ABCC8: variants seen among roughly 807,000 people sequenced by gnomAD.
The protein encoded by ABCC8 is ATP-binding cassette sub-family C member 8.
A neutral mutation model predicts 188.0 loss-of-function variants in ABCC8; 137 were observed. That is an observed-to-expected ratio of 0.73 (90% CI 0.63 to 0.84). ABCC8 has a LOEUF of 0.84. ABCC8 is among the 40% of genes least tolerant of loss of function. The pLI, the probability that ABCC8 is intolerant of heterozygous loss-of-function variation, is 0.00. For synonymous variants in ABCC8, 797 were observed against 846.5 expected (o/e 0.94, Z 1.01); for missense variants, 1,750 against 2,072.7 (o/e 0.84, Z 3.02).
intron 10 of ABCC8, among the ~76,000 whole-genome samples, chr11:17,433,077 C>A (rs12290390): frequency 1.3e-5 from 2 of 152,178 alleles, no homozygotes; most frequent in Non-Finnish European, 2.9e-5. Context: ...GCCTACACAT[C>A]ATACCTCATG....
At chr11:17,410,756 A>C (rs377359741) in intron 21 of ABCC8, 103 bp from the exon 22 acceptor site, 3 of 1,537,688 alleles carry the variant, frequency 2.0e-6, no homozygotes, top group Middle Eastern at 1.7e-4. Flanking sequence ...ACTCTGCTCT[A>C]GGGACTGAAG....
intron 29 of ABCC8, among the ~76,000 whole-genome samples, chr11:17,400,132 T>C (rs1335181065): frequency 6.6e-6 from 1 of 152,184 alleles, no homozygotes; most frequent in African/African-American, 2.4e-5. Context: ...TGGAAGGTGT[T>C]AGTTCAGCTT....
At chr11:17,464,841 T>TA (rs1848051173) in intron 3 of ABCC8, among the ~76,000 whole-genome samples, 1 of 152,176 alleles carries the variant, frequency 6.6e-6, no homozygotes, top group Non-Finnish European at 1.5e-5. Flanking sequence ...CAGATGCGGA[T>TA]AAGGTCAGCT....
Position 17,413,381 on chromosome 11 carries a change from GGCT to G in ABCC8, c.2475+10_2475+12del. 6.2e-7 allele frequency: 1 copy of G among 1,614,194 alleles called. No individual in the cohort carries two copies. Among genetic ancestry groups the G allele is most frequent in the Non-Finnish European group, 8.5e-7 (1 of 1,180,032 alleles). ...CCTGGCTTTGAAAAAACCCCTCAGAGGCTGCTACTAACCCGTTCCCCAATCTGG... is the reference window on the plus strand; with the variant it reads ...CCTGGCTTTGAAAAAACCCCTCAGAGGCTACTAACCCGTTCCCCAATCTGG... On this transcript the variant is annotated intron_variant, in intron 20 of 38. Coordinates refer to ENST00000389817, the MANE Select transcript of ABCC8 (RefSeq NM_000352.6).
At chr11:17,475,931 G>T (rs1251625093) in intron 1 of ABCC8, among the ~76,000 whole-genome samples, 1 of 152,214 alleles carries the variant, frequency 6.6e-6, no homozygotes, top group Non-Finnish European at 1.5e-5. Flanking sequence ...CGATTGTCCC[G>T]GCCGTGGCGC....
At chr11:17,396,242 C>T (rs910335484) in intron 33 of ABCC8, 1 of 497,428 alleles carries the variant, frequency 2.0e-6, no homozygotes, top group Admixed American at 3.3e-5. Context: ...TCTCTATGGG[C>T]ATGGGTGTGG....
In ABCC8 at chr11:17,416,966, C is replaced by A. The variant is rs1040460617; in HGVS notation, c.2223-4G>T. On this transcript the variant is annotated splice_polypyrimidine_tract_variant and splice_region_variant and intron_variant, in intron 16 of 38. Transcript: ENST00000389817. Reference sequence around the variant, plus strand: ...TCCTATCTCGCTGTCAGGAAGGCTGCTGGGACACAAATGGGACAGACCAAC... The same window carrying A: ...TCCTATCTCGCTGTCAGGAAGGCTGATGGGACACAAATGGGACAGACCAAC... The A allele has an allele frequency of 3.7e-6, 6 of 1,613,960 alleles. No homozygotes were observed. Among genetic ancestry groups the A allele is most frequent in the Non-Finnish European group, 5.1e-6 (6 of 1,180,032 alleles).
intron 16 of ABCC8, among the ~76,000 whole-genome samples, chr11:17,418,920 T>C (rs1186247523): frequency 6.6e-6 from 1 of 152,198 alleles, no homozygotes; most frequent in Non-Finnish European, 1.5e-5. Context: ...CTGGCTCTCA[T>C]TGCTGACCTT....
At chr11:17,452,745 T>C (rs746826017) in intron 7 of ABCC8, among the ~76,000 whole-genome samples, 38 of 152,214 alleles carry the variant, frequency 2.5e-4, no homozygotes, top group Non-Finnish European at 4.7e-4. Flanking sequence ...GAAGACTGTC[T>C]GGTAGCAGAA....
At chr11:17,413,645 T>G (rs990474629) in intron 19 of ABCC8, 167 bp from the exon 20 acceptor site, 36 of 1,398,104 alleles carry the variant, frequency 2.6e-5, no homozygotes, top group Non-Finnish European at 3.3e-5. Context: ...TGAAAAGAGC[T>G]GAGGTCAGCA....
chr11:17,406,581 G>A (rs2133444910), intron 26 of ABCC8, 41 bp downstream of exon 26: 6 of 1,576,630 alleles, frequency 3.8e-6, no homozygotes, highest in Non-Finnish European at 5.2e-6. Flanking sequence ...AGAGAACAGT[G>A]ACTTGCTCAC....
At chr11:17,400,244 T>A (rs1017726216) in intron 29 of ABCC8, among the ~76,000 whole-genome samples, 1 of 151,994 alleles carries the variant, frequency 6.6e-6, no homozygotes, top group African/African-American at 2.4e-5. Context: ...GGTGGAGACG[T>A]GTGGGAGGGT....
At position 17,394,221 on chromosome 11, in the gene ABCC8, A is replaced by G. The variant is rs555698006; in HGVS notation, c.4545+45T>C. On this transcript the variant is annotated intron_variant, in intron 37 of 38. Coordinates refer to ENST00000389817, the MANE Select transcript of ABCC8 (RefSeq NM_000352.6). ...CAAATTTCTCCCTAGCATCCCACTA[A>G]ACCCTTTCCAAGACCATGGTCCCAT... 5.0e-6 allele frequency: 8 copies of G among 1,604,770 alleles called. No homozygotes were observed. The South Asian group carries it at 8.8e-5, about 18-fold the overall frequency.
chr11:17,393,927 A>G, intron 37 of ABCC8, 168 bp from the exon 38 acceptor site: 2 of 877,748 alleles, frequency 2.3e-6, no homozygotes, highest in Non-Finnish European at 2.7e-6. Context: ...CAGGGACTGG[A>G]CTCAGCCTGT....
Position 17,453,189 on chromosome 11 carries a change from T to C in ABCC8, c.1106A>G (p.Gln369Arg), listed in dbSNP as rs756808492. 4 of 1,614,206 alleles carry C rather than the reference T, an allele frequency of 2.5e-6. No individual in the cohort carries two copies. In the East Asian group the frequency reaches 6.7e-5, roughly 27 times the overall value. Residue 369 changes from glutamine (Q) to arginine (R), a missense_variant, in exon 7 of 39, where the codon CAA (glutamine) becomes CGA (arginine). Gln to Arg is a conservative substitution (Grantham distance 43, BLOSUM62 1). Transcript: ENST00000389817. ...GTAGGATGCTTGCAGAAATGTCCTT[T>C]GCAGTAGGAGGGCAAGGAACAGAAG... ...AVLLFLALLL[Q>R]RTFLQASYYV...
In ABCC8 at chr11:17,397,792, G is replaced by A. The variant is rs1005064056; in HGVS notation, c.3759C>T (p.Tyr1253=). 5.0e-6 allele frequency: 8 copies of A among 1,613,604 alleles called. No individual in the cohort carries two copies. Among genetic ancestry groups the A allele is most frequent in the Non-Finnish European group, 6.8e-6 (8 of 1,180,006 alleles). The change falls in exon 31 of 39, where the codon TAC becomes TAT. Residue 1253 remains tyrosine, a synonymous_variant. Transcript: ENST00000389817. ...ANRWLEVRME[Y]IGACVVLIAA... ...CGATGAGCACCACACATGCACCGAT[G>A]TACTCCTGGGGAGGGAGAGGAGCTG...
Position 17,396,938 on chromosome 11 carries a change from G to A in ABCC8, c.4097C>T (p.Ala1366Val), listed in dbSNP as rs746811190. 3.4e-5 allele frequency: 55 copies of A among 1,614,056 alleles called. No homozygotes were observed. The highest frequency in any genetic ancestry group is 4.6e-5 in the Non-Finnish European group (54 of 1,180,026). The change falls in exon 33 of 39, where the codon GCC becomes GTC. Residue 1366 changes from alanine (A) to valine (V), a missense_variant. Physicochemically the swap from Ala to Val is moderately conservative, Grantham distance 64 (BLOSUM62 0). Transcript: ENST00000389817. The part of the protein sequence containing the change: ...SLKPVLKHVN[A>V]LIAPGQKIGI... Reference sequence around the variant, plus strand: ...GACCTTCTGTCCAGGGGCGATGAGGGCATTGACGTGCTTCAGCACCGGCTT... The same window carrying A: ...GACCTTCTGTCCAGGGGCGATGAGGACATTGACGTGCTTCAGCACCGGCTT...
intron 8 of ABCC8, 29 bp downstream of exon 8, chr11:17,448,487 C>G: frequency 1.2e-6 from 2 of 1,603,320 alleles, no homozygotes; most frequent in Non-Finnish European, 8.5e-7. Context: ...CCTGCTGCCC[C>G]CCTCCCTTCC....
chr11:17,399,006 C>G (rs60748921), intron 29 of ABCC8: 13,960 of 164,744 alleles, frequency 0.085, 2,071 homozygotes, highest in African/African-American at 0.31. Context: ...CGGTGACTCA[C>G]CCCTGTAATC....
Sources: gnomAD v4.1 joint callset for allele counts (sites outside exome capture counted in the v4.1 genomes callset) on GRCh38, gnomAD v4.1.1 for gene constraint, MANE v1.5 for transcripts, NCBI Gene and HGNC (gene_info 2026-07-23, HGNC 2026-07-21) for gene names.